ZFPM2: variants seen among roughly 807,000 people sequenced by gnomAD.
ZFPM2 encodes the protein zinc finger protein ZFPM2.
A neutral mutation model predicts 98.6 loss-of-function variants in ZFPM2; 20 were observed. The observed-to-expected ratio is 0.20, with a 90% CI of 0.14 to 0.29. ZFPM2 has a LOEUF of 0.29. Among genes scored for constraint, ZFPM2 ranks in the 10% least tolerant of loss-of-function variants. The pLI is 1.00. For missense variants in ZFPM2, 1,310 were observed against 1,388.6 expected, an observed-to-expected ratio of 0.94 and a Z score of 0.90; for synonymous variants, 518 against 502.7, an observed-to-expected ratio of 1.03 and a Z score of -0.41.
chr8:105,328,581 C>G (rs2130662198), intron 1 of ZFPM2, among the ~76,000 whole-genome samples: 1 of 151,948 alleles, frequency 6.6e-6, no homozygotes, highest in East Asian at 1.9e-4. Flanking sequence ...AGGAAGCCAG[C>G]TAACCTAGAT....
chr8:105,527,269 A>C (rs1814194560), intron 3 of ZFPM2, among the ~76,000 whole-genome samples: 1 of 152,172 alleles, frequency 6.6e-6, no homozygotes, highest in Non-Finnish European at 1.5e-5. Flanking sequence ...TGTTTTCCTT[A>C]AAACTCTAAA....
chr8:105,600,358 A>AT (rs1816066086), intron 4 of ZFPM2, among the ~76,000 whole-genome samples: 3 of 152,166 alleles, frequency 2.0e-5, no homozygotes, highest in Non-Finnish European at 4.4e-5. Flanking sequence ...TGTCAAGTTT[A>AT]TAAACCAAGA....
intron 1 of ZFPM2, among the ~76,000 whole-genome samples, chr8:105,417,134 G>A (rs1331449837): frequency 6.6e-6 from 1 of 151,662 alleles, no homozygotes; most frequent in Non-Finnish European, 1.5e-5. Context: ...GGGTAGCTGA[G>A]CCAGACCATT....
chr8:105,607,268 C>A (rs1251367026), intron 4 of ZFPM2, among the ~76,000 whole-genome samples: 1 of 152,034 alleles, frequency 6.6e-6, no homozygotes, highest in Non-Finnish European at 1.5e-5. Flanking sequence ...TCAGATTCTG[C>A]CAAGAAAACC....
At chr8:105,708,859 G>A (rs1406056248) in intron 5 of ZFPM2, among the ~76,000 whole-genome samples, 1 of 152,160 alleles carries the variant, frequency 6.6e-6, no homozygotes, top group African/African-American at 2.4e-5. Flanking sequence ...TACTTCCTGT[G>A]TTATAAACAT....
intron 5 of ZFPM2, among the ~76,000 whole-genome samples, chr8:105,753,622 C>T (rs562528328): frequency 6.6e-6 from 1 of 151,960 alleles, no homozygotes; most frequent in African/African-American, 2.4e-5. Flanking sequence ...GTACATGTAA[C>T]CAAAAAAAAG....
chr8:105,653,854 CTTTTTTTTTT>C (rs60218363), intron 5 of ZFPM2, among the ~76,000 whole-genome samples: 16 of 35,284 alleles, frequency 4.5e-4, no homozygotes, highest in South Asian at 3.8e-3. Context: ...TGTGTGCTAT[CTTTTTTTTTT>C]TTTTTTTTTT....
intron 3 of ZFPM2, among the ~76,000 whole-genome samples, chr8:105,535,687 A>T (rs1164987062): frequency 6.6e-6 from 1 of 152,092 alleles, no homozygotes; most frequent in Non-Finnish European, 1.5e-5. Context: ...GTCTAAATTC[A>T]TCTGATTATT....
intron 5 of ZFPM2, chr8:105,662,923 C>T (rs1288395644): frequency 6.6e-6 from 1 of 152,028 alleles, no homozygotes; most frequent in African/African-American, 2.4e-5. Context: ...ACAGATTCCC[C>T]TGAATTCCGG....
At chr8:105,752,978 A>G (rs893097320) in intron 5 of ZFPM2, among the ~76,000 whole-genome samples, 11 of 152,130 alleles carry the variant, frequency 7.2e-5, no homozygotes, top group African/African-American at 2.7e-4. Context: ...TTCTCACTGC[A>G]TAAAACAAGC....
intron 4 of ZFPM2, among the ~76,000 whole-genome samples, chr8:105,564,185 T>G (rs2130705634): frequency 6.6e-6 from 1 of 152,058 alleles, no homozygotes; most frequent in South Asian, 2.1e-4. Flanking sequence ...AGGCGTTAAC[T>G]TATATGAAAT....
At chr8:105,752,471 T>C (rs373425702) in intron 5 of ZFPM2, among the ~76,000 whole-genome samples, 32 of 152,200 alleles carry the variant, frequency 2.1e-4, no homozygotes, top group African/African-American at 6.0e-4. Context: ...ATAGATTATT[T>C]ACTCCTTTGT....
chr8:105,731,966 T>C (rs1478198555), intron 5 of ZFPM2, among the ~76,000 whole-genome samples: 1 of 151,736 alleles, frequency 6.6e-6, no homozygotes, highest in African/African-American at 2.4e-5. Flanking sequence ...TGATGGAGAA[T>C]TGTGACCTTT....
intron 5 of ZFPM2, among the ~76,000 whole-genome samples, chr8:105,695,630 G>A (rs534754330): frequency 1.2e-4 from 18 of 152,026 alleles, no homozygotes; most frequent in Non-Finnish European, 2.4e-4. Flanking sequence ...GATGAAATCA[G>A]AATTACTCAT....
intron 3 of ZFPM2, among the ~76,000 whole-genome samples, chr8:105,523,528 T>A (rs1814107181): frequency 6.6e-6 from 1 of 152,162 alleles, no homozygotes; most frequent in African/African-American, 2.4e-5. Context: ...CAACCAGGAA[T>A]ATACTAAGGT....
At chr8:105,439,557 G>A (rs552153984) in intron 2 of ZFPM2, among the ~76,000 whole-genome samples, 2 of 152,220 alleles carry the variant, frequency 1.3e-5, no homozygotes, top group African/African-American at 4.8e-5. Flanking sequence ...ACTTATTGCT[G>A]GAACATGATA....
At chr8:105,753,985 C>G (rs968493289) in intron 5 of ZFPM2, among the ~76,000 whole-genome samples, 1 of 152,072 alleles carries the variant, frequency 6.6e-6, no homozygotes, top group South Asian at 2.1e-4. Flanking sequence ...TTATTTCATG[C>G]TTCTTAAATA....
At chr8:105,775,077 TAAA>T (rs397968210) in intron 5 of ZFPM2, among the ~76,000 whole-genome samples, 44 of 104,906 alleles carry the variant, frequency 4.2e-4, no homozygotes, top group East Asian at 1.8e-3. Flanking sequence ...CTCTTGGAAT[TAAA>T]AAAAAAAAAA....
intron 3 of ZFPM2, among the ~76,000 whole-genome samples, chr8:105,520,521 A>G (rs928033239): frequency 1.3e-5 from 2 of 152,146 alleles, no homozygotes; most frequent in African/African-American, 2.4e-5. Flanking sequence ...ATTAAGTTAC[A>G]CATTGTGGGT....
Sources: allele counts gnomAD v4.1 joint callset (sites outside exome capture counted in the v4.1 genomes callset), GRCh38; gene constraint gnomAD v4.1.1; transcripts MANE v1.5; gene names NCBI Gene and HGNC (gene_info 2026-07-23, HGNC 2026-07-21).